MMS22L: variants seen among roughly 807,000 people sequenced by gnomAD.
MMS22L encodes protein MMS22-like.
A neutral mutation model predicts 159.1 loss-of-function variants in MMS22L; 74 were observed. The observed-to-expected ratio is 0.47, with a 90% CI of 0.39 to 0.56. The LOEUF (loss-of-function observed/expected upper bound fraction) is 0.56, where lower values mean the gene tolerates loss of function less well. Among genes scored for constraint, MMS22L ranks in the 20% least tolerant of loss-of-function variants. The pLI is 0.00. For missense variants in MMS22L, 1,351 were observed against 1,422.1 expected (o/e 0.95, Z 0.80); for synonymous variants, 517 against 506.9 (o/e 1.02, Z -0.27).
chr6:97,262,657 C>CAAAA (rs71012591), intron 9 of MMS22L, among the ~76,000 whole-genome samples: 2 of 106,058 alleles, frequency 1.9e-5, no homozygotes, highest in African/African-American at 3.8e-5. Context: ...AAGACTGCCT[C>CAAAA]AAAAAAAAAA....
chr6:97,229,599 GCAAATCA>G (rs1328238285), intron 13 of MMS22L, among the ~76,000 whole-genome samples, 196 bp from the exon 14 acceptor site: 1 of 152,056 alleles, frequency 6.6e-6, no homozygotes, highest in Non-Finnish European at 1.5e-5. Context: ...CAATGATGCA[GCAAATCA>G]CCTGTAAGTG....
At chr6:97,154,464 G>A (rs1402157721) in intron 22 of MMS22L, among the ~76,000 whole-genome samples, 2 of 152,074 alleles carry the variant, frequency 1.3e-5, no homozygotes, top group Non-Finnish European at 2.9e-5. Flanking sequence ...TCTTGATGAA[G>A]TCCAATTTAT....
At chr6:97,264,302 G>A (rs750634437) in intron 8 of MMS22L, 9 of 152,002 alleles carry the variant, frequency 5.9e-5, no homozygotes, top group Non-Finnish European at 1.0e-4. Flanking sequence ...TAAAAATTTT[G>A]CAAGACAGAA....
intron 18 of MMS22L, 132 bp from the exon 19 acceptor site, chr6:97,173,354 C>T: frequency 1.4e-6 from 1 of 708,446 alleles, no homozygotes; most frequent in Non-Finnish European, 2.3e-6. Context: ...CATTTGTAAC[C>T]TTCCAATAAA....
intron 14 of MMS22L, among the ~76,000 whole-genome samples, chr6:97,203,298 T>C (rs1408539735): frequency 7.0e-6 from 1 of 143,268 alleles, no homozygotes; most frequent in Non-Finnish European, 1.5e-5. Context: ...GGACTGGTTA[T>C]TTATTTATTT....
At chr6:97,163,849 G>C (rs1318286181) in intron 21 of MMS22L, among the ~76,000 whole-genome samples, 1 of 152,016 alleles carries the variant, frequency 6.6e-6, no homozygotes, top group Non-Finnish European at 1.5e-5. Context: ...GTGACATAGG[G>C]AGGTATGAGG....
rs1278252756 is a variant in MMS22L at position 97,143,033 on chromosome 6, CCA to C, written c.*3771_*3772del. ...ATGAACTCAATACTGAATGACTTTT[CCA>C]CAGTCCTCCATGCTTCCTTCCTTGC... is the stretch of plus-strand genomic sequence containing the variant. On this transcript the variant is annotated 3_prime_UTR_variant, in exon 25 of 25. Transcript: ENST00000683635. 2 of 152,550 alleles carry C rather than the reference CCA, an allele frequency of 1.3e-5. No homozygotes were observed. The highest frequency in any genetic ancestry group is 2.9e-5 in the Non-Finnish European group (2 of 67,994). 9.4% of individuals were successfully genotyped at this position (152,550 alleles called of 1,614,324 possible). A position where few individuals can be genotyped will look rare whatever the true frequency, so the allele number is the denominator to read the frequency against.
chr6:97,189,833 TAAG>T (rs1184740157), intron 14 of MMS22L, among the ~76,000 whole-genome samples: 1 of 152,120 alleles, frequency 6.6e-6, no homozygotes, highest in Non-Finnish European at 1.5e-5. Flanking sequence ...TCAGTCTGGA[TAAG>T]AAGAAATGAT....
At chr6:97,221,234 T>C (rs1327604056) in intron 14 of MMS22L, among the ~76,000 whole-genome samples, 1 of 152,134 alleles carries the variant, frequency 6.6e-6, no homozygotes, top group Non-Finnish European at 1.5e-5. Context: ...TTTTGGCACA[T>C]AAGTTTTTCC....
At chr6:97,244,052 A>G (rs571737337) in intron 11 of MMS22L, among the ~76,000 whole-genome samples, 2 of 152,308 alleles carry the variant, frequency 1.3e-5, no homozygotes, top group South Asian at 2.1e-4. Context: ...TGGTTATGCT[A>G]GCAGTGAAGT....
intron 14 of MMS22L, among the ~76,000 whole-genome samples, chr6:97,192,807 G>A (rs6906004): frequency 0.1 from 15,283 of 152,166 alleles, 1,561 homozygotes; most frequent in African/African-American, 0.26. Flanking sequence ...CCTATTCTAA[G>A]TGTTTGACCT....
intron 14 of MMS22L, among the ~76,000 whole-genome samples, chr6:97,200,852 G>GA (rs541179510): frequency 7.1e-4 from 107 of 150,770 alleles, no homozygotes; most frequent in African/African-American, 1.7e-3. Context: ...CTAGAAATTG[G>GA]AAAAAAAAAT....
chr6:97,257,628 C>T (rs1813966902), intron 9 of MMS22L, among the ~76,000 whole-genome samples: 1 of 152,016 alleles, frequency 6.6e-6, no homozygotes, highest in African/African-American at 2.4e-5. Context: ...AAGATTACGT[C>T]TCTATGTTGC....
chr6:97,254,616 T>C lies in MMS22L; in HGVS notation c.1060A>G (p.Ile354Val). 6.2e-7 allele frequency: 1 copy of C among 1,613,654 alleles called. No individual in the cohort carries two copies. Among genetic ancestry groups the C allele is most frequent in the Non-Finnish European group, 8.5e-7 (1 of 1,179,776 alleles). Residue 354 changes from isoleucine (I) to valine (V), a missense_variant, in exon 10 of 25, where the codon ATT (isoleucine) becomes GTT (valine). Coordinates refer to ENST00000683635, the MANE Select transcript of MMS22L (RefSeq NM_001350599.2). The stretch of plus-strand genomic sequence containing the variant: ...TAAAATGATGCTACATGAGTAATAA[T>C]CCACCAACTAAAACCTAATGGATCC... Reference protein sequence around the residue: ...SRDPLGFSWWIITHVASFYKF... With the variant: ...SRDPLGFSWWVITHVASFYKF...
At chr6:97,154,890 C>T (rs1004349364) in intron 22 of MMS22L, among the ~76,000 whole-genome samples, 7 of 152,094 alleles carry the variant, frequency 4.6e-5, no homozygotes, top group Admixed American at 3.3e-4. Context: ...AAGAAGTATG[C>T]GTTTTCCAGC....
intron 11 of MMS22L, 70 bp from the exon 12 acceptor site, chr6:97,234,050 G>A (rs1811144123): frequency 6.5e-7 from 1 of 1,532,944 alleles, no homozygotes; most frequent in Non-Finnish European, 8.8e-7. Flanking sequence ...ACTTGATATT[G>A]TGCTGTATAT....
intron 14 of MMS22L, among the ~76,000 whole-genome samples, chr6:97,214,883 C>T (rs1459090789): frequency 1.3e-5 from 2 of 150,392 alleles, no homozygotes; most frequent in African/African-American, 4.9e-5. Flanking sequence ...TTGCACAGTC[C>T]TGTTACTGAT....
chr6:97,279,042 A>G, intron 3 of MMS22L, 144 bp from the exon 4 acceptor site: 1 of 628,952 alleles, frequency 1.6e-6, no homozygotes, highest in South Asian at 2.3e-5. Context: ...ATGTTAATTA[A>G]AGGATCAGCT....
chr6:97,254,235 G>A (rs959398725), intron 10 of MMS22L: 3 of 178,942 alleles, frequency 1.7e-5, no homozygotes, highest in African/African-American at 7.1e-5. Context: ...AGGAATCTTT[G>A]TGACAATCCA....
Sources: gnomAD v4.1 joint callset for allele counts (sites outside exome capture counted in the v4.1 genomes callset) on GRCh38, gnomAD v4.1.1 for gene constraint, MANE v1.5 for transcripts, NCBI Gene and HGNC (gene_info 2026-07-23, HGNC 2026-07-21) for gene names.